The following GLI2 variants were observed in gnomAD, a reference collection of about 807,000 sequenced individuals.
The protein encoded by GLI2 is GLI family zinc finger 2.
GLI2 carries 22 observed loss-of-function variants against 78.9 expected under a neutral mutation model. The ratio of observed to expected loss-of-function variants is 0.28; its 90% CI spans 0.20 to 0.40. GLI2 has a LOEUF of 0.40. Ranked by LOEUF, GLI2 falls within the 10% of genes least tolerant of loss-of-function variation. The probability of loss-of-function intolerance (pLI) is 1.00; values close to 1 mark genes in which losing one functional copy is unlikely to be tolerated. For synonymous variants in GLI2, 974 were observed against 963.7 expected (o/e 1.01, Z -0.20); for missense variants, 2,097 against 2,213.2 (o/e 0.95, Z 1.05).
chr2:120,853,791 C>T (rs1358853802), intron 2 of GLI2, among the ~76,000 whole-genome samples: 1 of 152,146 alleles, frequency 6.6e-6, no homozygotes, highest in Non-Finnish European at 1.5e-5. Flanking sequence ...CTTTGATTCT[C>T]ACCTCCTGGC....
intron 2 of GLI2, among the ~76,000 whole-genome samples, chr2:120,917,238 G>T (rs535982389): frequency 2.0e-5 from 3 of 152,202 alleles, no homozygotes; most frequent in Non-Finnish European, 4.4e-5. Context: ...GTTTCATATA[G>T]GATTAAGTGG....
intron 2 of GLI2, among the ~76,000 whole-genome samples, chr2:120,848,459 G>A (rs1010569047): frequency 1.3e-5 from 2 of 152,176 alleles, no homozygotes; most frequent in African/African-American, 4.8e-5. Flanking sequence ...TGTCCCTGTC[G>A]CCTCAGCCTT....
At chr2:120,758,465 T>C (rs1178681224) in intron 1 of GLI2, among the ~76,000 whole-genome samples, 2 of 152,224 alleles carry the variant, frequency 1.3e-5, no homozygotes, top group Non-Finnish European at 2.9e-5. Flanking sequence ...CTCTCAGACC[T>C]GGCTGCAGGA....
intron 1 of GLI2, among the ~76,000 whole-genome samples, chr2:120,765,436 C>T (rs748115095): frequency 1.3e-5 from 2 of 152,324 alleles, no homozygotes; most frequent in East Asian, 1.9e-4. Context: ...CCAGGGGAGT[C>T]AAATGCAGGA....
At chr2:120,965,304 CAG>C (rs2105001451) in intron 5 of GLI2, among the ~76,000 whole-genome samples, 1 of 149,420 alleles carries the variant, frequency 6.7e-6, no homozygotes, top group East Asian at 2.0e-4. Context: ...GATGCTGTAA[CAG>C]AGGGGCATAC....
chr2:120,894,258 A>G (rs1383946414), intron 2 of GLI2, among the ~76,000 whole-genome samples: 1 of 152,202 alleles, frequency 6.6e-6, no homozygotes, highest in Non-Finnish European at 1.5e-5. Flanking sequence ...AGCAAAACTC[A>G]TTAGTATATT....
intron 2 of GLI2, among the ~76,000 whole-genome samples, chr2:120,885,461 G>A (rs1405240445): frequency 6.6e-6 from 1 of 152,220 alleles, no homozygotes; most frequent in East Asian, 1.9e-4. Context: ...CCCAGCCTCG[G>A]AAATGCTGAC....
intron 2 of GLI2, among the ~76,000 whole-genome samples, chr2:120,898,399 G>A (rs975799055): frequency 6.6e-6 from 1 of 152,194 alleles, no homozygotes; most frequent in Admixed American, 6.5e-5. Flanking sequence ...AGAAGGAAAT[G>A]CAAATGGATG....
chr2:120,784,342 G>A (rs1208850451), intron 1 of GLI2, among the ~76,000 whole-genome samples: 1 of 152,226 alleles, frequency 6.6e-6, no homozygotes, highest in African/African-American at 2.4e-5. Context: ...TGTGCTGGGT[G>A]GAAGAGATCC....
At chr2:120,899,474 C>T (rs1265767899) in intron 2 of GLI2, among the ~76,000 whole-genome samples, 1 of 152,184 alleles carries the variant, frequency 6.6e-6, no homozygotes, top group Non-Finnish European at 1.5e-5. Context: ...GTTCCTCAGG[C>T]TGCAGCTTCC....
intron 3 of GLI2, among the ~76,000 whole-genome samples, chr2:120,941,419 G>A (rs958940032): frequency 6.6e-6 from 1 of 152,230 alleles, no homozygotes; most frequent in Non-Finnish European, 1.5e-5. Context: ...ACCCTGGGGA[G>A]GAGATTGAAT....
chr2:120,841,752 C>T (rs998274245), intron 2 of GLI2, among the ~76,000 whole-genome samples: 1 of 151,978 alleles, frequency 6.6e-6, no homozygotes, highest in East Asian at 1.9e-4. Context: ...GGGGGAGAGG[C>T]CTGTCCCTAG....
At chr2:120,793,240 T>C (rs1005284831) in intron 1 of GLI2, among the ~76,000 whole-genome samples, 5 of 152,016 alleles carry the variant, frequency 3.3e-5, no homozygotes, top group Admixed American at 2.6e-4. Flanking sequence ...TTTTGGAGAG[T>C]GTGGCTGTGT....
In GLI2 at chr2:120,787,212, C is replaced by T. The variant is rs114179932; in HGVS notation, c.-30-10079C>T. On this transcript the variant is annotated intron_variant, in intron 1 of 13. Transcript: ENST00000361492. Reference sequence around the variant, plus strand: ...ATTCCAGGCAGAGGAACCGCGTGATCAGAGTCACAGACAGCATGACTGCGG... The same window carrying T: ...ATTCCAGGCAGAGGAACCGCGTGATTAGAGTCACAGACAGCATGACTGCGG... Among the ~76,000 whole-genome samples the T allele has an allele frequency of 2.8e-3, 431 of 152,246 alleles. 3 individuals are homozygous for T. Among genetic ancestry groups the T allele is most frequent in the African/African-American group, 9.7e-3 (402 of 41,534 alleles).
At chr2:120,783,024 GA>G (rs1366912596) in intron 1 of GLI2, among the ~76,000 whole-genome samples, 1 of 152,180 alleles carries the variant, frequency 6.6e-6, no homozygotes, top group Non-Finnish European at 1.5e-5. Context: ...ATCGAAAGGA[GA>G]GGGGGAAGGA....
At chr2:120,987,189 C>T (rs1683019106) in intron 13 of GLI2, among the ~76,000 whole-genome samples, 1 of 152,202 alleles carries the variant, frequency 6.6e-6, no homozygotes, top group Admixed American at 6.5e-5. Flanking sequence ...AGATGGAAGG[C>T]GTCTTTAACG....
At chr2:120,839,447 C>CTTA (rs1365859853) in intron 2 of GLI2, among the ~76,000 whole-genome samples, 1 of 152,174 alleles carries the variant, frequency 6.6e-6, no homozygotes, top group East Asian at 1.9e-4. Flanking sequence ...GGAATGTGTT[C>CTTA]ATTTTTCTTG....
In GLI2 at chr2:120,737,947, C is replaced by T. The variant is rs1010574309; in HGVS notation, c.-31+1662C>T. On this transcript the variant is annotated intron_variant, in intron 1 of 13. Transcript: ENST00000361492. This position sits in a 1 kb window ranked among gnomAD's most constrained non-coding sequence, Gnocchi z 4.3. ...TGATGAGACCAGTTTGTTCCAGCCA[C>T]CTCACCTGCCAGCTTTCTCTCCGCC... 6.6e-6 allele frequency among the ~76,000 whole-genome samples: 1 copy of T among 152,236 alleles called. No individual in the cohort carries two copies. The highest frequency in any genetic ancestry group is 1.5e-5 in the Non-Finnish European group (1 of 68,050).
chr2:120,847,461 AC>A (rs2104597262), intron 2 of GLI2, among the ~76,000 whole-genome samples: 1 of 152,050 alleles, frequency 6.6e-6, no homozygotes, highest in Admixed American at 6.5e-5. Context: ...GCACCCAGGG[AC>A]CCCCTGCCTT....
Sources: gnomAD v4.1 joint callset for allele counts (sites outside exome capture counted in the v4.1 genomes callset) on GRCh38, gnomAD v4.1.1 for gene constraint, Gnocchi (gnomAD v3.1) non-coding constraint, MANE v1.5 for transcripts, NCBI Gene and HGNC (gene_info 2026-07-23, HGNC 2026-07-21) for gene names.